The following INSL6 variants were observed in gnomAD, a reference collection of about 807,000 sequenced individuals.
INSL6 encodes the protein insulin like 6, also known as insulin-like peptide INSL6.
Under a neutral mutation model 9.4 loss-of-function variants are expected in INSL6, and 16 were observed. That is an observed-to-expected ratio of 1.70 (90% CI 1.15 to 2.59). The LOEUF (loss-of-function observed/expected upper bound fraction) is 2.59. Ranked by LOEUF, INSL6 falls within the 30% of genes most tolerant of loss-of-function variation. The pLI is 0.00. For missense variants in INSL6, 391 were observed against 257.3 expected (o/e 1.52, Z -3.56); for synonymous variants, 154 against 96.9 (o/e 1.59, Z -3.46).
At chr9:5,087,775 T>TTCTTA in the INSL6 span, among the ~76,000 whole-genome samples, 1 of 141,440 alleles carries the variant, frequency 7.1e-6, no homozygotes, top group Non-Finnish European at 1.5e-5. Context: ...CTTTGAAATG[T>TTCTTA]TCTTATCTTT....
the INSL6 span, among the ~76,000 whole-genome samples, chr9:5,001,540 T>A: frequency 6.6e-6 from 1 of 152,156 alleles, no homozygotes; most frequent in African/African-American, 2.4e-5. Flanking sequence ...TAAAACCCAC[T>A]TGGTGATGGT....
At chr9:5,177,823 C>T (rs1825345621) in intron 1 of INSL6, among the ~76,000 whole-genome samples, 1 of 152,130 alleles carries the variant, frequency 6.6e-6, no homozygotes. Context: ...GAAGGTACCC[C>T]ACAACACAGC....
the INSL6 span, chr9:5,113,684 G>A: frequency 6.1e-6 from 1 of 165,188 alleles, no homozygotes; most frequent in East Asian, 1.9e-4. Flanking sequence ...CTGGGACACA[G>A]GCTCCCTCAA....
At chr9:5,072,692 C>A in the INSL6 span, 1 of 1,200,730 alleles carries the variant, frequency 8.3e-7, no homozygotes. Context: ...CATATGCATA[C>A]AACGTACTCA....
intron 1 of INSL6, among the ~76,000 whole-genome samples, chr9:5,180,947 T>A (rs1825438488): frequency 6.6e-6 from 1 of 152,102 alleles, no homozygotes; most frequent in Non-Finnish European, 1.5e-5. Context: ...TTGAAACTCT[T>A]AACAAAAAAC....
the INSL6 span, chr9:5,086,246 G>A: frequency 1.8e-6 from 1 of 561,314 alleles, no homozygotes; most frequent in Non-Finnish European, 2.3e-6. Context: ...GTCGCGGTAG[G>A]ATGGTGGCTC....
chr9:5,079,904 T>C, the INSL6 span, among the ~76,000 whole-genome samples: 1 of 152,168 alleles, frequency 6.6e-6, no homozygotes, highest in Non-Finnish European at 1.5e-5. Flanking sequence ...TATGGTTTAA[T>C]GGAAAGATTA....
chr9:5,175,257 T>A (rs1331127209), intron 1 of INSL6, among the ~76,000 whole-genome samples: 4 of 152,070 alleles, frequency 2.6e-5, no homozygotes, highest in African/African-American at 4.8e-5. Flanking sequence ...CATTCTTGAT[T>A]TCTCTTCCTC....
the INSL6 span, chr9:5,112,034 C>T: frequency 4.9e-6 from 2 of 408,270 alleles, no homozygotes; most frequent in South Asian, 3.6e-5. Context: ...TCCCTGGTGC[C>T]TTATCACCCA....
At chr9:5,015,989 A>G in the INSL6 span, among the ~76,000 whole-genome samples, 2 of 152,204 alleles carry the variant, frequency 1.3e-5, no homozygotes, top group Admixed American at 1.3e-4. Context: ...AGCCTATGCT[A>G]TGCTTGCTGG....
intron 3 of INSL6, chr9:5,126,555 G>A: frequency 2.1e-6 from 2 of 937,952 alleles, no homozygotes; most frequent in Non-Finnish European, 3.3e-6. Flanking sequence ...CAGATAAACA[G>A]CATAATCAGA....
At chr9:5,120,624 A>G (rs1823544283), downstream of INSL6, among the ~76,000 whole-genome samples, 2 of 152,206 alleles carry the variant, frequency 1.3e-5, no homozygotes, top group South Asian at 2.1e-4. Flanking sequence ...TTTTTACTAC[A>G]GAAGTACCCA....
chr9:5,068,146 G>A, the INSL6 span, among the ~76,000 whole-genome samples: 3 of 135,730 alleles, frequency 2.2e-5, no homozygotes, highest in African/African-American at 3.4e-5. Context: ...GCGACAGAGC[G>A]AGACACGGTC....
the INSL6 span, among the ~76,000 whole-genome samples, chr9:5,071,662 C>A: frequency 6.6e-6 from 1 of 152,034 alleles, no homozygotes; most frequent in African/African-American, 2.4e-5. Context: ...GATTAAGTGG[C>A]ATGGAAGGCA....
chr9:5,184,389 G>A (rs1459406111), intron 1 of INSL6, among the ~76,000 whole-genome samples: 1 of 152,096 alleles, frequency 6.6e-6, no homozygotes, highest in African/African-American at 2.4e-5. Flanking sequence ...AAATCATACT[G>A]GGACTAAAAT....
the INSL6 span, among the ~76,000 whole-genome samples, chr9:5,081,185 G>A: frequency 6.6e-3 from 999 of 151,550 alleles, 13 homozygotes; most frequent in African/African-American, 0.023. Flanking sequence ...TTGAGCCACC[G>A]CTCCCAGCCA....
downstream of INSL6, among the ~76,000 whole-genome samples, chr9:5,120,704 T>C (rs2130844804): frequency 6.6e-6 from 1 of 152,288 alleles, no homozygotes; most frequent in Admixed American, 6.5e-5. Context: ...GATAAGGATG[T>C]GATGTAAACT....
intron 2 of INSL6, among the ~76,000 whole-genome samples, chr9:5,153,308 C>T (rs900478047): frequency 6.6e-6 from 1 of 152,150 alleles, no homozygotes; most frequent in Non-Finnish European, 1.5e-5. Context: ...ATTCTCGTGC[C>T]AGCACAGCAG....
the INSL6 span, among the ~76,000 whole-genome samples, chr9:5,010,665 T>A: frequency 6.6e-6 from 1 of 152,198 alleles, no homozygotes; most frequent in African/African-American, 2.4e-5. Context: ...AAGAATAATA[T>A]TATAATTAAT....
Sources: allele counts gnomAD v4.1 joint callset (sites outside exome capture counted in the v4.1 genomes callset), GRCh38; gene constraint gnomAD v4.1.1; transcripts MANE v1.5; gene names NCBI Gene and HGNC (gene_info 2026-07-23, HGNC 2026-07-21).